Variants in SORCS1 observed in about 807,000 individuals in gnomAD.
SORCS1 encodes sortilin related VPS10 domain containing receptor 1.
Under a neutral mutation model 146.1 loss-of-function variants are expected in SORCS1, and 60 were observed. The observed-to-expected ratio is 0.41, with a 90% CI of 0.33 to 0.51. The LOEUF (loss-of-function observed/expected upper bound fraction) is 0.51, where lower values mean the gene tolerates loss of function less well. Among genes scored for constraint, SORCS1 ranks in the 20% least tolerant of loss-of-function variants. SORCS1 has a pLI of 0.21. For missense variants in SORCS1, 1,352 were observed against 1,487.6 expected, an observed-to-expected ratio of 0.91 and a Z score of 1.50; for synonymous variants, 637 against 584.0, an observed-to-expected ratio of 1.09 and a Z score of -1.31.
chr10:106,913,929 C>T (rs1952287483), intron 2 of SORCS1, among the ~76,000 whole-genome samples: 1 of 152,108 alleles, frequency 6.6e-6, no homozygotes, highest in Non-Finnish European at 1.5e-5. Context: ...AAAGAAAATA[C>T]AAGTTGAGTC....
chr10:107,025,795 TG>T (rs1958374059), intron 1 of SORCS1, among the ~76,000 whole-genome samples: 1 of 152,180 alleles, frequency 6.6e-6, no homozygotes, highest in Non-Finnish European at 1.5e-5. Context: ...GAGTCTTTTA[TG>T]GGATAAAAAC....
chr10:106,726,100 C>G (rs907453721), intron 6 of SORCS1, among the ~76,000 whole-genome samples: 11 of 151,602 alleles, frequency 7.3e-5, no homozygotes, highest in Admixed American at 7.2e-4. Context: ...CTATTTACTT[C>G]CAACCTCCTC....
intron 1 of SORCS1, among the ~76,000 whole-genome samples, chr10:107,101,569 C>T (rs983090204): frequency 6.6e-6 from 1 of 152,170 alleles, no homozygotes. Context: ...AGACAGCCCT[C>T]CCTCCTGGTC....
Position 106,960,202 on chromosome 10 carries a change from AC to A in SORCS1, c.559-3623del, listed in dbSNP as rs1343992547. Among the ~76,000 whole-genome samples the A allele has an allele frequency of 6.6e-6, 1 of 152,056 alleles. No homozygotes were observed. Among genetic ancestry groups the A allele is most frequent in the Non-Finnish European group, 1.5e-5 (1 of 68,006 alleles). ...AATTATCTAAGACTTGATAACCTCC[AC>A]CTATGCCATACCAGGACCTCTGCAT... On this transcript the variant is annotated intron_variant, in intron 1 of 25. Transcript: ENST00000263054. The surrounding 1 kb of genome is among the most constrained non-coding windows in gnomAD (Gnocchi z 4.4).
chr10:106,888,636 C>T lies in SORCS1; in HGVS notation c.627-58963G>A, dbSNP rs139008656. ...TTGTTGGCTTCACAGGTTTCTATTC[C>T]GTGACCAATTTAAGTGTCACTTCGA... On this transcript the variant is annotated intron_variant, in intron 2 of 25. Transcript: ENST00000263054. Among the ~76,000 whole-genome samples the T allele has an allele frequency of 1.2e-3, 185 of 152,266 alleles. 2 individuals are homozygous for T. Among genetic ancestry groups the T allele is most frequent in the Admixed American group, 8.5e-3 (130 of 15,280 alleles).
chr10:107,088,969 T>C (rs1188647318), intron 1 of SORCS1, among the ~76,000 whole-genome samples: 1 of 151,142 alleles, frequency 6.6e-6, no homozygotes, highest in Non-Finnish European at 1.5e-5. Flanking sequence ...CTATTATTAA[T>C]TCTATTACTA....
intron 3 of SORCS1, among the ~76,000 whole-genome samples, chr10:106,822,275 T>C (rs114713042): frequency 0.01 from 1,596 of 152,292 alleles, 24 homozygotes; most frequent in African/African-American, 0.036. Flanking sequence ...TATAAACTAA[T>C]ATAGAATATA....
At chr10:106,905,365 G>A (rs1047026319) in intron 2 of SORCS1, among the ~76,000 whole-genome samples, 1 of 151,930 alleles carries the variant, frequency 6.6e-6, no homozygotes, top group Non-Finnish European at 1.5e-5. Flanking sequence ...TGATATATTT[G>A]AAAATCTAGG....
chr10:106,879,246 G>C (rs529039075), intron 2 of SORCS1, among the ~76,000 whole-genome samples: 21 of 152,066 alleles, frequency 1.4e-4, no homozygotes, highest in African/African-American at 5.1e-4. Flanking sequence ...ACTGCTCACG[G>C]AACTTGCCAA....
intron 1 of SORCS1, among the ~76,000 whole-genome samples, chr10:106,970,434 G>A (rs1177024973): frequency 6.8e-6 from 1 of 147,272 alleles, no homozygotes; most frequent in Non-Finnish European, 1.5e-5. Context: ...CACCTTCTGG[G>A]TTCAAGCGAT....
intron 1 of SORCS1, among the ~76,000 whole-genome samples, chr10:107,140,523 G>A (rs1224397445): frequency 6.6e-6 from 1 of 152,188 alleles, no homozygotes; most frequent in African/African-American, 2.4e-5. Context: ...CACGTTTACT[G>A]TGAATGCCTA....
At chr10:106,819,374 T>G (rs1160401336) in intron 3 of SORCS1, among the ~76,000 whole-genome samples, 1 of 152,194 alleles carries the variant, frequency 6.6e-6, no homozygotes, top group East Asian at 1.9e-4. Flanking sequence ...GGCTCCAGGG[T>G]CCATTATATT....
At chr10:106,905,805 AT>A (rs2138140973) in intron 2 of SORCS1, among the ~76,000 whole-genome samples, 1 of 152,350 alleles carries the variant, frequency 6.6e-6, no homozygotes, top group East Asian at 1.9e-4. Flanking sequence ...AGAATGATAA[AT>A]GTTATCGCAT....
At chr10:106,810,817 G>A (rs1022413486) in intron 3 of SORCS1, among the ~76,000 whole-genome samples, 6 of 152,162 alleles carry the variant, frequency 3.9e-5, no homozygotes, top group African/African-American at 9.7e-5. Flanking sequence ...GATGCTCTGA[G>A]CATGTCTATG....
rs376875047 is a variant in SORCS1 at position 107,116,603 on chromosome 10, T to C, written c.558+47366A>G. On this transcript the variant is annotated intron_variant, in intron 1 of 25. Transcript: ENST00000263054. ...CAAATACCGTATAATTTCACTTATATGTAGAATCACACTCATAGAAACAGG... is the reference window on the plus strand; with the variant it reads ...CAAATACCGTATAATTTCACTTATACGTAGAATCACACTCATAGAAACAGG... Among the ~76,000 whole-genome samples, 16 of 152,250 alleles carry C rather than the reference T, an allele frequency of 1.1e-4. No individual in the cohort carries two copies. In the East Asian group the frequency reaches 1.7e-3, roughly 17 times the overall value.
At chr10:107,003,273 T>G (rs1202874674) in intron 1 of SORCS1, among the ~76,000 whole-genome samples, 2 of 152,000 alleles carry the variant, frequency 1.3e-5, no homozygotes, top group African/African-American at 2.4e-5. Flanking sequence ...AAAAAAAAAG[T>G]TGTTCTACAA....
At position 106,808,658 on chromosome 10, in the gene SORCS1, T is replaced by A. The variant is rs372241074; in HGVS notation, c.726+20916A>T. Among the ~76,000 whole-genome samples, 210 of 152,120 alleles carry A rather than the reference T, an allele frequency of 1.4e-3. 2 individuals carry two copies. The East Asian group carries it at 0.025, about 18-fold the overall frequency. On this transcript the variant is annotated intron_variant, in intron 3 of 25. Coordinates refer to ENST00000263054, the MANE Select transcript of SORCS1 (RefSeq NM_052918.5). ...GCTGGGACTACAGGTGCCCGCCACCTCGCCTGGCTAATTTTTTGTATTTTT... is the reference window on the plus strand; with the variant it reads ...GCTGGGACTACAGGTGCCCGCCACCACGCCTGGCTAATTTTTTGTATTTTT...
At chr10:107,044,432 A>C (rs1047677960) in intron 1 of SORCS1, among the ~76,000 whole-genome samples, 1 of 151,714 alleles carries the variant, frequency 6.6e-6, no homozygotes, top group Non-Finnish European at 1.5e-5. Context: ...GATTTTAAAA[A>C]AACAAGCAAT....
chr10:106,659,274 G>T (rs1378225908), intron 17 of SORCS1, among the ~76,000 whole-genome samples: 2 of 152,194 alleles, frequency 1.3e-5, no homozygotes, highest in African/African-American at 4.8e-5. Context: ...AGCTTCTCTT[G>T]CATTAAGCAG....
Sources: gnomAD v4.1 joint callset for allele counts (sites outside exome capture counted in the v4.1 genomes callset) on GRCh38, gnomAD v4.1.1 for gene constraint, Gnocchi (gnomAD v3.1) non-coding constraint, MANE v1.5 for transcripts, NCBI Gene and HGNC (gene_info 2026-07-23, HGNC 2026-07-21) for gene names.